The following PPP1R10 variants were observed in gnomAD, a reference collection of about 807,000 sequenced individuals.
PPP1R10 encodes the protein protein phosphatase 1 regulatory subunit 10, also known as serine/threonine-protein phosphatase 1 regulatory subunit 10.
A neutral mutation model predicts 99.0 loss-of-function variants in PPP1R10; 15 were observed. That is an observed-to-expected ratio of 0.15 (90% CI 0.10 to 0.23). PPP1R10 has a LOEUF of 0.23. PPP1R10 is among the 10% of genes least tolerant of loss of function. The pLI is 1.00. For missense variants in PPP1R10, 947 were observed against 1,259.4 expected, an observed-to-expected ratio of 0.75 and a Z score of 3.75; for synonymous variants, 430 against 449.5, an observed-to-expected ratio of 0.96 and a Z score of 0.55.
rs754751836 is a variant in PPP1R10 at position 30,602,161 on chromosome 6, G to C, written c.2488C>G (p.Arg830Gly). Residue 830 changes from arginine (R) to glycine (G), a missense_variant, in exon 19 of 20, where the codon CGC becomes GGC. Arg to Gly is a moderately radical substitution (Grantham distance 125). Coordinates refer to ENST00000376511, the MANE Select transcript of PPP1R10 (RefSeq NM_002714.4). This position sits in a 1 kb window ranked among gnomAD's most constrained non-coding sequence, Gnocchi z 6.7. ...CTTCCGCCAGGGCCTTCGTGGGGGC[G>C]ATGTCCACCACCGGCACCCATTCCT... ...GGGMGAGGGH[R>G]PHEGPGGSMG... 6.2e-7 allele frequency: 1 copy of C among 1,610,478 alleles called. No individual in the cohort carries two copies. The highest frequency in any genetic ancestry group is 1.7e-5 in the Admixed American group (1 of 59,678).
chr6:30,610,336 A>T (rs1804433604), intron 2 of PPP1R10, among the ~76,000 whole-genome samples: 1 of 152,226 alleles, frequency 6.6e-6, no homozygotes, highest in African/African-American at 2.4e-5. Flanking sequence ...CCTATCGTTA[A>T]GTCCTGTCTT....
Position 30,606,843 on chromosome 6 carries a change from C to T in PPP1R10, c.396G>A (p.Leu132=). The change falls in exon 7 of 20, where the codon TTG becomes TTA. Residue 132 remains leucine, a synonymous_variant. Coordinates refer to ENST00000376511, the MANE Select transcript of PPP1R10 (RefSeq NM_002714.4). The surrounding 1 kb of genome is among the most constrained non-coding windows in gnomAD (Gnocchi z 6.3). ...KSSEDEELRK[L]ASVLVSDWMA... ...TCCAGTCGCTGACAAGGACTGAGGC[C>T]AATTTCCGGAGCTCTGCAGGTGACA... The T allele has an allele frequency of 6.2e-7, 1 of 1,613,698 alleles. No individual in the cohort carries two copies. The highest frequency in any genetic ancestry group is 8.5e-7 in the Non-Finnish European group (1 of 1,179,818).
rs924681799 is a variant in PPP1R10 at position 30,600,975 on chromosome 6, TAAG to T, written c.*571_*573del. ...TTGAAGGTCCCACTTGAGAAAGGAC[TAAG>T]AATGGTGAGCCCACGCTGGGGGAGG... On this transcript the variant is annotated 3_prime_UTR_variant, in exon 20 of 20. Transcript: ENST00000376511. 1.3e-5 allele frequency: 2 copies of T among 153,088 alleles called. No homozygotes were observed. The highest frequency in any genetic ancestry group is 2.9e-5 in the Non-Finnish European group (2 of 68,422). 9.5% of individuals were successfully genotyped at this position (153,088 alleles called of 1,614,324 possible). A position where few individuals can be genotyped will look rare whatever the true frequency, so the allele number is the denominator to read the frequency against.
chr6:30,601,781 AG>A, intron 19 of PPP1R10, 123 bp from the exon 20 acceptor site: 1 of 1,311,380 alleles, frequency 7.6e-7, no homozygotes, highest in South Asian at 1.4e-5. Context: ...ATTTGGGGGA[AG>A]GGCATAGAGT....
rs1393820246 is a variant in PPP1R10, at chr6:30,608,810, T to C, written c.299A>G (p.His100Arg). The C allele has an allele frequency of 1.2e-6, 2 of 1,614,022 alleles. No homozygotes were observed. The highest frequency in any genetic ancestry group is 8.5e-7 in the Non-Finnish European group (1 of 1,179,992). ...LLQQILLTLQ[H>R]LPLTVDHLKQ... Reference sequence around the variant, plus strand: ...GAGATGGTCTACAGTGAGCGGTAGATGCTGCAGGGTCAGTAGAATTTGCTG... The same window carrying C: ...GAGATGGTCTACAGTGAGCGGTAGACGCTGCAGGGTCAGTAGAATTTGCTG... The change falls in exon 5 of 20, where the codon CAT (histidine) becomes CGT (arginine). Residue 100 changes from histidine to arginine, a missense_variant. Physicochemically the swap from His to Arg is conservative, Grantham distance 29. Coordinates refer to ENST00000376511, the MANE Select transcript of PPP1R10 (RefSeq NM_002714.4).
chr6:30,612,063 TAAC>T (rs1268217974), intron 2 of PPP1R10, among the ~76,000 whole-genome samples: 1 of 152,194 alleles, frequency 6.6e-6, no homozygotes, highest in Non-Finnish European at 1.5e-5. Flanking sequence ...TGGGTTCCAA[TAAC>T]AACATATCAT....
At chr6:30,613,513 AG>A (rs1249166702) in intron 2 of PPP1R10, among the ~76,000 whole-genome samples, 1 of 152,220 alleles carries the variant, frequency 6.6e-6, no homozygotes, top group Non-Finnish European at 1.5e-5. Context: ...ACAAGGTCAT[AG>A]CTTTCTTCCA....
In PPP1R10 at chr6:30,606,869, G is replaced by C. The variant is rs938911634; in HGVS notation, c.383-13C>G. 2.5e-6 allele frequency: 4 copies of C among 1,605,038 alleles called. No homozygotes were observed. In the African/African-American group the frequency reaches 5.4e-5, roughly 21 times the overall value. ...AATTTCCGGAGCTCTGCAGGTGACAGAAAGGGGAAATGCCTAAATAATGTA... is the reference window on the plus strand; with the variant it reads ...AATTTCCGGAGCTCTGCAGGTGACACAAAGGGGAAATGCCTAAATAATGTA... On this transcript the variant is annotated splice_polypyrimidine_tract_variant and intron_variant, in intron 6 of 19. Coordinates refer to ENST00000376511, the MANE Select transcript of PPP1R10 (RefSeq NM_002714.4). The surrounding 1 kb of genome is among the most constrained non-coding windows in gnomAD (Gnocchi z 6.3).
Position 30,602,711 on chromosome 6 carries a change from A to G in PPP1R10, c.1958-20T>C. The G allele has an allele frequency of 1.2e-6, 2 of 1,603,952 alleles. No homozygotes were observed. The highest frequency in any genetic ancestry group is 1.7e-6 in the Non-Finnish European group (2 of 1,176,328). ...GGGGACCTGTAAGGGGACAAAAAAG[A>G]GAGACAGTATCAGCTACCAGGAACT... On this transcript the variant is annotated intron_variant, in intron 18 of 19. Coordinates refer to ENST00000376511, the MANE Select transcript of PPP1R10 (RefSeq NM_002714.4). This position sits in a 1 kb window ranked among gnomAD's most constrained non-coding sequence, Gnocchi z 6.7.
rs564915445 is a variant in PPP1R10 at position 30,606,702 on chromosome 6, G to C, written c.461-61C>G. 5 of 1,611,764 alleles carry C rather than the reference G, an allele frequency of 3.1e-6. No individual in the cohort carries two copies. The highest frequency in any genetic ancestry group is 3.4e-6 in the Non-Finnish European group (4 of 1,177,952). ...TTAGATGAACACTGTCAGAGGTGAA[G>C]CAGACTGGGAGCACCTAAAGGCCAC... On this transcript the variant is annotated intron_variant, in intron 7 of 19. Transcript: ENST00000376511. This position sits in a 1 kb window ranked among gnomAD's most constrained non-coding sequence, Gnocchi z 6.3.
chr6:30,604,881 T>C lies in PPP1R10; in HGVS notation c.954+113A>G. The C allele has an allele frequency of 1.3e-6, 2 of 1,512,808 alleles. No individual in the cohort carries two copies. The highest frequency in any genetic ancestry group is 1.7e-5 in the Admixed American group (1 of 58,846). The allele number at this position is 1,512,808 out of a possible 1,614,324, so 93.7% of individuals were successfully genotyped here. A position where few individuals can be genotyped will look rare whatever the true frequency, so the allele number is the denominator to read the frequency against. On this transcript the variant is annotated intron_variant, in intron 11 of 19. Coordinates refer to ENST00000376511, the MANE Select transcript of PPP1R10 (RefSeq NM_002714.4). The surrounding 1 kb of genome is among the most constrained non-coding windows in gnomAD (Gnocchi z 7.3). Reference sequence around the variant, plus strand: ...AATGTCTCACCTGCACCAGTCTATATCCAAGGCAAAACGCCTCTTGTTGTC... The same window carrying C: ...AATGTCTCACCTGCACCAGTCTATACCCAAGGCAAAACGCCTCTTGTTGTC...
Position 30,604,350 on chromosome 6 carries a change from T to TA in PPP1R10, c.1261+2dup. 6.2e-7 allele frequency: 1 copy of TA among 1,614,194 alleles called. No individual in the cohort carries two copies. The highest frequency in any genetic ancestry group is 8.5e-7 in the Non-Finnish European group (1 of 1,180,026). ...ACCTATTACGTAGGAAATGACCTCT[T>TA]ACCTCGTTCAGTTTCATCCAATTCA... On this transcript the variant is annotated splice_region_variant and intron_variant, in intron 13 of 19. Coordinates refer to ENST00000376511, the MANE Select transcript of PPP1R10 (RefSeq NM_002714.4). This position sits in a 1 kb window ranked among gnomAD's most constrained non-coding sequence, Gnocchi z 7.3.
intron 1 of PPP1R10, 55 bp downstream of exon 1, chr6:30,617,169 A>T (rs1760693315): frequency 6.5e-6 from 1 of 153,680 alleles, no homozygotes; most frequent in Non-Finnish European, 1.5e-5. Context: ...CGCTTCCCAG[A>T]TCCAACGCTC....
Position 30,602,007 on chromosome 6 carries a change from C to T in PPP1R10, c.2642G>A (p.Arg881His), listed in dbSNP as rs918460762. 2.6e-6 allele frequency: 4 copies of T among 1,524,382 alleles called. No individual in the cohort carries two copies. The highest frequency in any genetic ancestry group is 1.3e-5 in the South Asian group (1 of 76,906). The allele number at this position is 1,524,382 out of a possible 1,614,324, so 94.4% of individuals were successfully genotyped here. ...CCCGTGGCCAGGACCATCATGGCCA[C>T]GGTGCTCATGAGGTGGCGGCCCTCG... is the stretch of plus-strand genomic sequence containing the variant. ...DHRGPPPHEH[R>H]GHDGPGHGGG... The change falls in exon 19 of 20, where the codon CGT becomes CAT. Residue 881 changes from arginine (R) to histidine (H), a missense_variant. Around this residue, in one of 10 missense-constraint regions of PPP1R10, gnomAD observed 525 missense variants for 578.8 expected, o/e 0.91. Transcript: ENST00000376511. This position sits in a 1 kb window ranked among gnomAD's most constrained non-coding sequence, Gnocchi z 6.7.
In PPP1R10 at chr6:30,606,038, G is replaced by A; in HGVS notation, c.741-3C>T. On this transcript the variant is annotated splice_polypyrimidine_tract_variant and splice_region_variant and intron_variant, in intron 9 of 19. Coordinates refer to ENST00000376511, the MANE Select transcript of PPP1R10 (RefSeq NM_002714.4). The surrounding 1 kb of genome is among the most constrained non-coding windows in gnomAD (Gnocchi z 6.3). ...CATCTCCTGGAGCAGCTACGTTGCT[G>A]TCAGAAGAGGAACTGTCATCAACAT... is the stretch of plus-strand genomic sequence containing the variant. The A allele has an allele frequency of 6.2e-7, 1 of 1,613,826 alleles. No individual in the cohort carries two copies. Among genetic ancestry groups the A allele is most frequent in the Non-Finnish European group, 8.5e-7 (1 of 1,179,822 alleles).
intron 2 of PPP1R10, among the ~76,000 whole-genome samples, chr6:30,615,333 T>C (rs574231167): frequency 3.2e-4 from 48 of 152,040 alleles, no homozygotes; most frequent in African/African-American, 1.1e-3. Flanking sequence ...AATTAAAATA[T>C]TAAAAAGAAC....
chr6:30,615,406 C>T (rs1760369426), intron 2 of PPP1R10, among the ~76,000 whole-genome samples: 1 of 152,242 alleles, frequency 6.6e-6, no homozygotes, highest in East Asian at 1.9e-4. Flanking sequence ...TCGACCACCC[C>T]CATCCTCCCT....
chr6:30,614,300 G>GA (rs3216458), intron 2 of PPP1R10, among the ~76,000 whole-genome samples: 344 of 144,976 alleles, frequency 2.4e-3, no homozygotes, highest in Admixed American at 5.6e-3. Flanking sequence ...GCTCTTTGGG[G>GA]AAAAAAAAAA....
In PPP1R10 at chr6:30,617,204, G is replaced by A. The variant is rs137871471; in HGVS notation, c.-533+20C>T. On this transcript the variant is annotated intron_variant, in intron 1 of 19. Transcript: ENST00000376511. The stretch of plus-strand genomic sequence containing the variant: ...CTCCGCAAAATTTTACCCACTAGAC[G>A]ACAAAGTAGGCAAACTTACCTCTAA... The A allele has an allele frequency of 1.0e-3, 155 of 153,230 alleles. 4 individuals are homozygous for A. The highest frequency in any genetic ancestry group is 4.8e-3 in the East Asian group (25 of 5,190). The allele number at this position is 153,230 out of a possible 1,614,324, so 9.5% of individuals were successfully genotyped here.
Sources: allele counts gnomAD v4.1 joint callset (sites outside exome capture counted in the v4.1 genomes callset), GRCh38; gene constraint gnomAD v4.1.1; regional missense constraint gnomAD v4.1.1; non-coding constraint Gnocchi (gnomAD v3.1); transcripts MANE v1.5; gene names NCBI Gene and HGNC (gene_info 2026-07-23, HGNC 2026-07-21).